PLEKHH2: variants seen among roughly 807,000 people sequenced by gnomAD.
PLEKHH2 encodes the protein pleckstrin homology, MyTH4 and FERM domain containing H2, also known as pleckstrin homology domain-containing family H member 2.
PLEKHH2 carries 129 observed loss-of-function variants against 187.9 expected under a neutral mutation model. The ratio of observed to expected loss-of-function variants is 0.69; its 90% CI spans 0.59 to 0.79. The LOEUF (loss-of-function observed/expected upper bound fraction) is 0.79. Among genes scored for constraint, PLEKHH2 ranks in the 30% least tolerant of loss-of-function variants. The pLI, the probability that PLEKHH2 is intolerant of heterozygous loss-of-function variation, is 0.00. For missense variants in PLEKHH2, 2,076 were observed against 1,751.2 expected (o/e 1.19, Z -3.31); for synonymous variants, 686 against 605.6 (o/e 1.13, Z -1.95).
chr2:43,666,467 G>A (rs1667220574), intron 2 of PLEKHH2, among the ~76,000 whole-genome samples: 2 of 147,212 alleles, frequency 1.4e-5, no homozygotes, highest in Non-Finnish European at 2.9e-5. Flanking sequence ...GTAGACCGGA[G>A]CTGTTCCTAT....
intron 3 of PLEKHH2, among the ~76,000 whole-genome samples, chr2:43,679,796 A>T (rs924727012): frequency 6.6e-6 from 1 of 151,848 alleles, no homozygotes; most frequent in African/African-American, 2.4e-5. Context: ...GGCCCCCTAT[A>T]TTTTCATACT....
At chr2:43,743,534 G>T (rs57622321) in intron 22 of PLEKHH2, among the ~76,000 whole-genome samples, 224 of 152,200 alleles carry the variant, frequency 1.5e-3, no homozygotes, top group African/African-American at 5.1e-3. Context: ...TATAGTTCTT[G>T]GTTTGCTTCT....
chr2:43,659,244 G>C (rs991782809), intron 2 of PLEKHH2, among the ~76,000 whole-genome samples: 2 of 151,380 alleles, frequency 1.3e-5, no homozygotes, highest in African/African-American at 4.9e-5. Context: ...CTATCTGCCT[G>C]CCTCAGCCTC....
chr2:43,746,969 C>CAAA (rs571694640), intron 24 of PLEKHH2, among the ~76,000 whole-genome samples: 2 of 137,032 alleles, frequency 1.5e-5, no homozygotes, highest in Non-Finnish European at 3.2e-5. Flanking sequence ...GACTCTGTCT[C>CAAA]AAAAAAAAAA....
At chr2:43,704,365 A>G (rs904413434) in intron 9 of PLEKHH2, among the ~76,000 whole-genome samples, 2 of 152,160 alleles carry the variant, frequency 1.3e-5, no homozygotes, top group African/African-American at 4.8e-5. Context: ...TGTACAATTA[A>G]AAATGATTAA....
In PLEKHH2 at chr2:43,710,375, A is replaced by G. The variant is rs762755317; in HGVS notation, c.2214+45A>G. The G allele has an allele frequency of 1.1e-5, 18 of 1,595,522 alleles. No homozygotes were observed. In the African/African-American group the frequency reaches 1.9e-4, roughly 17 times the overall value. ...TGTTTAGAACGTAATTCCTCAAACT[A>G]TAAATCAGACGCCTGATTGATTTCC... On this transcript the variant is annotated intron_variant, in intron 13 of 29. Coordinates refer to ENST00000282406, the MANE Select transcript of PLEKHH2 (RefSeq NM_172069.4).
At chr2:43,655,619 T>C (rs1666714905) in intron 2 of PLEKHH2, among the ~76,000 whole-genome samples, 1 of 152,208 alleles carries the variant, frequency 6.6e-6, no homozygotes, top group African/African-American at 2.4e-5. Flanking sequence ...AGACTTCAGA[T>C]GTCCCACCTT....
intron 2 of PLEKHH2, among the ~76,000 whole-genome samples, chr2:43,665,517 G>A (rs1667154181): frequency 7.8e-6 from 1 of 127,970 alleles, no homozygotes; most frequent in Non-Finnish European, 1.6e-5. Context: ...TTGCTGGTGA[G>A]GAACTGCGTT....
intron 27 of PLEKHH2, among the ~76,000 whole-genome samples, chr2:43,759,969 T>C (rs1036845373): frequency 2.0e-5 from 3 of 152,170 alleles, no homozygotes; most frequent in African/African-American, 7.2e-5. Flanking sequence ...TGAGAATTAA[T>C]TTTTTTCTAG....
At chr2:43,706,461 A>T in intron 10 of PLEKHH2, 45 bp downstream of exon 10, 1 of 1,331,754 alleles carries the variant, frequency 7.5e-7, no homozygotes, top group South Asian at 1.2e-5. Context: ...TCTCTTCATG[A>T]TGGATCAAGG....
At chr2:43,656,494 A>G (rs181196499) in intron 2 of PLEKHH2, among the ~76,000 whole-genome samples, 7 of 152,200 alleles carry the variant, frequency 4.6e-5, no homozygotes, top group African/African-American at 1.7e-4. Flanking sequence ...TCAAAATGAG[A>G]GTGGCTTCCA....
At chr2:43,765,328 G>A in intron 29 of PLEKHH2, 85 bp from the exon 30 acceptor site, 1 of 1,325,072 alleles carries the variant, frequency 7.5e-7, no homozygotes, top group Non-Finnish European at 1.0e-6. Flanking sequence ...TGCAAATGGA[G>A]CTCACCTGTG....
Position 43,726,365 on chromosome 2 carries a change from A to G in PLEKHH2, c.2635A>G (p.Ser879Gly). 1 of 1,610,558 alleles carries G rather than the reference A, an allele frequency of 6.2e-7. No individual in the cohort carries two copies. ...SDEDYEASGRSLLSTHYTIVI... is the reference protein window; with the variant it reads ...SDEDYEASGRGLLSTHYTIVI... ...TGAAGATTATGAAGCCAGTGGACGA[A>G]GTCTGTTATCCACACATTATACTAT... is the stretch of plus-strand genomic sequence containing the variant. Residue 879 changes from serine to glycine, a missense_variant, in exon 17 of 30, where the codon AGT (serine) becomes GGT (glycine). By Grantham distance (56) the Ser-to-Gly change is moderately conservative (BLOSUM62 0). Transcript: ENST00000282406.
In PLEKHH2 at chr2:43,646,398, G is replaced by A. The variant is rs186526581; in HGVS notation, c.123+1602G>A. Among the ~76,000 whole-genome samples the A allele has an allele frequency of 2.0e-3, 310 of 152,146 alleles. 1 individual carries two copies. The highest frequency in any genetic ancestry group is 7.2e-3 in the African/African-American group (299 of 41,508). On this transcript the variant is annotated intron_variant, in intron 2 of 29. Coordinates refer to ENST00000282406, the MANE Select transcript of PLEKHH2 (RefSeq NM_172069.4). ...TATGTCCTTATTACTAAACCTCATG[G>A]ACACTTCCCATTTGTTGCCTAAGCC...
intron 2 of PLEKHH2, among the ~76,000 whole-genome samples, chr2:43,670,690 C>A (rs900317621): frequency 6.6e-6 from 1 of 151,200 alleles, no homozygotes; most frequent in African/African-American, 2.4e-5. Context: ...ATTTCAGATT[C>A]TTCTTCTTAA....
intron 2 of PLEKHH2, chr2:43,676,319 C>G (rs879229191): frequency 6.2e-7 from 1 of 1,603,526 alleles, no homozygotes. Context: ...CTAGCGGAAA[C>G]CATTTTCCAG....
rs1670432564 is a variant in PLEKHH2 at position 43,720,558 on chromosome 2, T to A, written c.2461-111T>A. ...TGGACAATCTATTTGGAATATCACT[T>A]ATATCTGGGCAAACTGGATGCCTAT... On this transcript the variant is annotated intron_variant, in intron 15 of 29. Coordinates refer to ENST00000282406, the MANE Select transcript of PLEKHH2 (RefSeq NM_172069.4). 5 of 1,522,738 alleles carry A rather than the reference T, an allele frequency of 3.3e-6. No homozygotes were observed. In the East Asian group the frequency reaches 1.2e-4, roughly 36 times the overall value. 94.3% of individuals were successfully genotyped at this position (1,522,738 alleles called of 1,614,324 possible). A position where few individuals can be genotyped will look rare whatever the true frequency, so the allele number is the denominator to read the frequency against.
intron 2 of PLEKHH2, among the ~76,000 whole-genome samples, chr2:43,670,194 C>G (rs564680235): frequency 5.9e-5 from 9 of 152,262 alleles, no homozygotes; most frequent in African/African-American, 2.2e-4. Context: ...TGTTCTTACA[C>G]TGATAGTAAT....
At chr2:43,761,079 T>C (rs1672410867) in intron 27 of PLEKHH2, among the ~76,000 whole-genome samples, 2 of 152,352 alleles carry the variant, frequency 1.3e-5, no homozygotes, top group Non-Finnish European at 1.5e-5. Context: ...TCCTTTTGAA[T>C]TGAATTCTCC....
Sources: gnomAD v4.1 joint callset for allele counts (sites outside exome capture counted in the v4.1 genomes callset) on GRCh38, gnomAD v4.1.1 for gene constraint, MANE v1.5 for transcripts, NCBI Gene and HGNC (gene_info 2026-07-23, HGNC 2026-07-21) for gene names.